EPHA6: variants seen among roughly 807,000 people sequenced by gnomAD.
EPHA6 encodes the protein ephrin type-A receptor 6.
Under a neutral mutation model 112.0 loss-of-function variants are expected in EPHA6, and 50 were observed. That is an observed-to-expected ratio of 0.45 (90% CI 0.36 to 0.56). The LOEUF is 0.56. Ranked by LOEUF, EPHA6 falls within the 20% of genes least tolerant of loss-of-function variation. EPHA6 has a pLI of 0.00. For synonymous variants in EPHA6, 529 were observed against 490.7 expected (o/e 1.08, Z -1.03); for missense variants, 1,280 against 1,417.4 (o/e 0.90, Z 1.56).
Position 97,140,877 on chromosome 3 carries a change from G to T in EPHA6, c.1115-85387G>T, listed in dbSNP as rs1247274415. Reference sequence around the variant, plus strand: ...CAAGGTGCCCCACTTAAAACATATAGACTGGCAAATAGGATTAAAAACATA... The same window carrying T: ...CAAGGTGCCCCACTTAAAACATATATACTGGCAAATAGGATTAAAAACATA... On this transcript the variant is annotated intron_variant, in intron 3 of 17. Transcript: ENST00000389672. Among the ~76,000 whole-genome samples, 3 of 152,090 alleles carry T rather than the reference G, an allele frequency of 2.0e-5. No homozygotes were observed. In the East Asian group the frequency reaches 5.8e-4, roughly 29 times the overall value.
At chr3:97,323,603 G>C (rs2082225171) in intron 5 of EPHA6, among the ~76,000 whole-genome samples, 1 of 150,450 alleles carries the variant, frequency 6.6e-6, no homozygotes, top group Non-Finnish European at 1.5e-5. Flanking sequence ...AAAGTCTTTT[G>C]TACTCTACAG....
Position 97,749,141 on chromosome 3 carries a change from T to A in EPHA6, c.*440T>A, listed in dbSNP as rs2035832701. 1 of 235,674 alleles carries A rather than the reference T, an allele frequency of 4.2e-6. No individual in the cohort carries two copies. The highest frequency in any genetic ancestry group is 2.2e-5 in the African/African-American group (1 of 45,246). The allele number at this position is 235,674 out of a possible 1,614,324, so 14.6% of individuals were successfully genotyped here. A position where few individuals can be genotyped will look rare whatever the true frequency, so the allele number is the denominator to read the frequency against. On this transcript the variant is annotated 3_prime_UTR_variant, in exon 18 of 18. Coordinates refer to ENST00000389672, the MANE Select transcript of EPHA6 (RefSeq NM_001080448.3). ...CTTCCAAACTGACAGAAATGTTTCA[T>A]TTTTAGATAATTATATTCAGCTCTA...
intron 12 of EPHA6, among the ~76,000 whole-genome samples, chr3:97,598,719 T>C (rs1474769850): frequency 1.3e-4 from 20 of 151,406 alleles, no homozygotes; most frequent in Admixed American, 6.6e-5. Flanking sequence ...AATGCCGCAA[T>C]AAACATACGT....
chr3:96,851,693 G>A (rs1398718494), intron 1 of EPHA6, among the ~76,000 whole-genome samples: 1 of 152,132 alleles, frequency 6.6e-6, no homozygotes, highest in East Asian at 1.9e-4. Context: ...TGTCATTTAA[G>A]CTGAGCCCAA....
intron 10 of EPHA6, among the ~76,000 whole-genome samples, chr3:97,515,761 T>G (rs982435455): frequency 1.3e-5 from 2 of 152,088 alleles, no homozygotes; most frequent in Non-Finnish European, 2.9e-5. Flanking sequence ...AGAGAAAAAT[T>G]TAATCTCCTT....
intron 3 of EPHA6, among the ~76,000 whole-genome samples, chr3:97,119,615 A>T (rs927040924): frequency 6.6e-6 from 1 of 152,002 alleles, no homozygotes; most frequent in Non-Finnish European, 1.5e-5. Flanking sequence ...AGAAGATGAG[A>T]CAGAAAAGCA....
intron 10 of EPHA6, among the ~76,000 whole-genome samples, chr3:97,517,214 A>G (rs185998012): frequency 6.6e-6 from 1 of 152,300 alleles, no homozygotes; most frequent in Admixed American, 6.5e-5. Context: ...GCCAGAGTCC[A>G]CTAGGAACAC....
intron 6 of EPHA6, among the ~76,000 whole-genome samples, chr3:97,415,906 A>G (rs911666328): frequency 4.6e-5 from 7 of 151,472 alleles, no homozygotes; most frequent in Admixed American, 4.0e-4. Context: ...AAGCACTTGA[A>G]TTTTTTTTTA....
At chr3:97,008,963 A>G (rs890825340) in intron 3 of EPHA6, among the ~76,000 whole-genome samples, 3 of 152,056 alleles carry the variant, frequency 2.0e-5, no homozygotes, top group Admixed American at 2.0e-4. Flanking sequence ...TGGAGATACC[A>G]TTCATGGAGG....
chr3:97,424,994 C>T (rs1476251471), intron 6 of EPHA6, among the ~76,000 whole-genome samples: 2 of 152,086 alleles, frequency 1.3e-5, no homozygotes, highest in Admixed American at 1.3e-4. Flanking sequence ...CCTTTGACTC[C>T]ATGTCTCATA....
chr3:97,147,688 A>G lies in EPHA6; in HGVS notation c.1115-78576A>G, dbSNP rs561723676. On this transcript the variant is annotated intron_variant, in intron 3 of 17. Coordinates refer to ENST00000389672, the MANE Select transcript of EPHA6 (RefSeq NM_001080448.3). ...AAACATTCATTAAATTGGTAGTATT[A>G]AAAAGCAAATTGTGCAAACCCAGAC... Among the ~76,000 whole-genome samples, 41 of 152,242 alleles carry G rather than the reference A, an allele frequency of 2.7e-4. No individual in the cohort carries two copies. In the South Asian group the frequency reaches 8.3e-3, roughly 31 times the overall value.
intron 14 of EPHA6, among the ~76,000 whole-genome samples, chr3:97,701,403 CA>C (rs1220027584): frequency 2.0e-5 from 3 of 152,132 alleles, no homozygotes; most frequent in African/African-American, 7.2e-5. Context: ...GGCAAGGAGT[CA>C]GATTAAAGGG....
At chr3:96,866,801 T>C (rs775699553) in intron 1 of EPHA6, 24 bp from the exon 2 acceptor site, 4 of 1,392,010 alleles carry the variant, frequency 2.9e-6, no homozygotes, top group Non-Finnish European at 3.8e-6. Flanking sequence ...ATTCATGGAA[T>C]TTTTATTTTC....
At chr3:97,712,703 A>T (rs1337430895) in intron 14 of EPHA6, among the ~76,000 whole-genome samples, 1 of 152,208 alleles carries the variant, frequency 6.6e-6, no homozygotes, top group Non-Finnish European at 1.5e-5. Context: ...ATGGCAATGA[A>T]TTATTTTCAG....
chr3:97,234,241 T>C (rs770161231), intron 4 of EPHA6, among the ~76,000 whole-genome samples: 3 of 152,100 alleles, frequency 2.0e-5, no homozygotes, highest in Non-Finnish European at 2.9e-5. Context: ...TGGTTTTGTT[T>C]ATCTCCTCTA....
intron 4 of EPHA6, among the ~76,000 whole-genome samples, chr3:97,239,913 G>A (rs985857342): frequency 6.6e-6 from 1 of 151,844 alleles, no homozygotes; most frequent in African/African-American, 2.4e-5. Flanking sequence ...TGAATATGAT[G>A]TAATAGGGTT....
At chr3:97,067,604 G>A (rs1474865075) in intron 3 of EPHA6, among the ~76,000 whole-genome samples, 7 of 151,792 alleles carry the variant, frequency 4.6e-5, no homozygotes, top group Admixed American at 4.6e-4. Flanking sequence ...AGGAGGGAAT[G>A]GAAGAGAACC....
At chr3:97,373,998 T>C (rs749895386) in intron 5 of EPHA6, among the ~76,000 whole-genome samples, 8 of 152,118 alleles carry the variant, frequency 5.3e-5, no homozygotes, top group Admixed American at 1.3e-4. Flanking sequence ...GAAGCAAAAC[T>C]TTTCAAAGCT....
At chr3:97,139,095 C>T (rs112383850) in intron 3 of EPHA6, among the ~76,000 whole-genome samples, 2 of 152,106 alleles carry the variant, frequency 1.3e-5, no homozygotes, top group African/African-American at 2.4e-5. Context: ...TTGCATTCAC[C>T]AGGTCACAGG....
Sources: allele counts gnomAD v4.1 joint callset (sites outside exome capture counted in the v4.1 genomes callset), GRCh38; gene constraint gnomAD v4.1.1; transcripts MANE v1.5; gene names NCBI Gene and HGNC (gene_info 2026-07-23, HGNC 2026-07-21).